CHL1: variants seen among roughly 807,000 people sequenced by gnomAD.
CHL1 encodes cell adhesion molecule L1 like.
A neutral mutation model predicts 141.9 loss-of-function variants in CHL1; 96 were observed. The ratio of observed to expected loss-of-function variants is 0.68; its 90% confidence interval spans 0.57 to 0.80. The LOEUF (loss-of-function observed/expected upper bound fraction) is 0.80, where lower values mean the gene tolerates loss of function less well. Ranked by LOEUF, CHL1 falls within the 30% of genes least tolerant of loss-of-function variation. The pLI is 0.00. For missense variants in CHL1, 1,820 were observed against 1,457.2 expected, an observed-to-expected ratio of 1.25 and a Z score of -4.05; for synonymous variants, 613 against 502.2, an observed-to-expected ratio of 1.22 and a Z score of -2.95.
chr3:292,162 T>C (rs1468823162), intron 2 of CHL1, among the ~76,000 whole-genome samples: 1 of 152,246 alleles, frequency 6.6e-6, no homozygotes, highest in East Asian at 1.9e-4. Context: ...ATGCTGACTC[T>C]GTGTTTCAAA....
chr3:277,334 T>C (rs1696234725), intron 2 of CHL1, among the ~76,000 whole-genome samples: 1 of 152,136 alleles, frequency 6.6e-6, no homozygotes, highest in South Asian at 2.1e-4. Context: ...AAGTTTATAT[T>C]TAAAAAAGCA....
chr3:378,534 C>A (rs1312257102), intron 16 of CHL1, among the ~76,000 whole-genome samples: 1 of 152,196 alleles, frequency 6.6e-6, no homozygotes, highest in African/African-American at 2.4e-5. Context: ...GTTTAAAGCT[C>A]TTAGACCATC....
At chr3:382,421 A>G (rs1707160399) in intron 17 of CHL1, 53 bp from the exon 18 acceptor site, 1 of 1,526,014 alleles carries the variant, frequency 6.6e-7, no homozygotes, top group African/African-American at 1.4e-5. Context: ...ATTTTGGTAT[A>G]ACTTATCCAT....
Position 349,421 on chromosome 3 carries a change from A to C in CHL1, c.911A>C (p.Lys304Thr), listed in dbSNP as rs767298363. 142 of 1,613,936 alleles carry C rather than the reference A, an allele frequency of 8.8e-5. 1 individual carries two copies. In the South Asian group the frequency reaches 1.6e-3, roughly 18 times the overall value. Residue 304 changes from lysine (K) to threonine (T), a missense_variant, in exon 10 of 28, where the codon AAA becomes ACA. Coordinates refer to ENST00000256509, the MANE Select transcript of CHL1 (RefSeq NM_006614.4). ...GGDLPKGRET[K>T]ENYGKTLKIE... is the part of the protein sequence containing the mutation. Reference sequence around the variant, plus strand: ...GACTTACCAAAGGGGAGAGAAACAAAAGAAAATTATGGCAAGACTTTGAAG... The same window carrying C: ...GACTTACCAAAGGGGAGAGAAACAACAGAAAATTATGGCAAGACTTTGAAG...
intron 2 of CHL1, among the ~76,000 whole-genome samples, chr3:252,600 G>C (rs953389821): frequency 3.0e-4 from 45 of 151,514 alleles, no homozygotes; most frequent in African/African-American, 9.0e-4. Context: ...TATTTATCGA[G>C]TGAAAATTAG....
At position 354,418 on chromosome 3, in the gene CHL1, C is replaced by T. The variant is rs966370886; in HGVS notation, c.1034-222C>T. 3.8e-5 allele frequency among the ~76,000 whole-genome samples: 4 copies of T among 105,012 alleles called. No individual in the cohort carries two copies. The Admixed American group carries it at 5.1e-4, about 13-fold the overall frequency. The allele number at this position is 105,012 out of a possible 152,430, so 68.9% of individuals were successfully genotyped here. A position where few individuals can be genotyped will look rare whatever the true frequency, so the allele number is the denominator to read the frequency against. On this transcript the variant is annotated intron_variant, in intron 10 of 27. Transcript: ENST00000256509. ...TGTTGATGTATGATACATGCTGAGTCCAAATTAAACACAAGCACACACACA... is the reference window on the plus strand; with the variant it reads ...TGTTGATGTATGATACATGCTGAGTTCAAATTAAACACAAGCACACACACA...
chr3:395,658 A>C (rs1397016885), intron 24 of CHL1, among the ~76,000 whole-genome samples: 1 of 152,260 alleles, frequency 6.6e-6, no homozygotes, highest in African/African-American at 2.4e-5. Context: ...AGAAGATGGC[A>C]GAAAGGGAAA....
chr3:245,611 C>T (rs1693090694), intron 2 of CHL1, among the ~76,000 whole-genome samples: 1 of 152,052 alleles, frequency 6.6e-6, no homozygotes, highest in Non-Finnish European at 1.5e-5. Context: ...AGAGAATATG[C>T]ACTCCAGAAG....
intron 1 of CHL1, chr3:213,820 T>C (rs1218483170): frequency 6.6e-6 from 1 of 152,166 alleles, no homozygotes; most frequent in Non-Finnish European, 1.5e-5. Flanking sequence ...TCAAGCCCAA[T>C]TTAATGAGCA....
In CHL1 at chr3:344,621, C is replaced by T. The variant is rs780275064; in HGVS notation, c.760C>T (p.Leu254=). 5 of 1,612,544 alleles carry T rather than the reference C, an allele frequency of 3.1e-6. No individual in the cohort carries two copies. In the South Asian group the frequency reaches 5.5e-5, roughly 18 times the overall value. Residue 254 remains leucine (L), a synonymous_variant, in exon 9 of 28, where the codon CTG becomes TTG. Coordinates refer to ENST00000256509, the MANE Select transcript of CHL1 (RefSeq NM_006614.4). ...NSIKQRKPKL[L]LPPTESGSES... ...CATCAAGCAAAGAAAACCCAAACTG[C>T]TGTTGCCTCCCACTGAGAGTGGCAG...
chr3:256,405 A>G (rs1398939952), intron 2 of CHL1, among the ~76,000 whole-genome samples: 1 of 152,248 alleles, frequency 6.6e-6, no homozygotes, highest in African/African-American at 2.4e-5. Flanking sequence ...GAATAGAATT[A>G]TCTAGAGTTG....
chr3:364,418 T>C (rs947594342), intron 14 of CHL1, among the ~76,000 whole-genome samples: 1 of 152,150 alleles, frequency 6.6e-6, no homozygotes, highest in Non-Finnish European at 1.5e-5. Flanking sequence ...TAAACCTATA[T>C]CAAGGTTAAG....
chr3:359,138 A>G (rs1265080788), intron 11 of CHL1, among the ~76,000 whole-genome samples: 1 of 151,766 alleles, frequency 6.6e-6, no homozygotes, highest in South Asian at 2.1e-4. Flanking sequence ...GGGATGTGTC[A>G]TCCAACTTCT....
chr3:231,270 C>T (rs893002222), intron 1 of CHL1, among the ~76,000 whole-genome samples: 4 of 152,036 alleles, frequency 2.6e-5, no homozygotes, highest in African/African-American at 9.7e-5. Context: ...GGTGATTTCC[C>T]ATAATTAAGG....
intron 1 of CHL1, among the ~76,000 whole-genome samples, chr3:212,243 C>G (rs912123010): frequency 7.2e-5 from 11 of 152,152 alleles, no homozygotes; most frequent in Non-Finnish European, 1.5e-4. Flanking sequence ...CCAATCAATT[C>G]TCAGATGTTT....
At chr3:381,384 AG>A (rs1199936635) in intron 16 of CHL1, among the ~76,000 whole-genome samples, 1 of 152,190 alleles carries the variant, frequency 6.6e-6, no homozygotes, top group Non-Finnish European at 1.5e-5. Context: ...TTGCAGTGGG[AG>A]AAAGGAAGAC....
rs1004750814 is a variant in CHL1, at chr3:377,923, A to G, written c.1857A>G (p.Ile619Met). 1 of 1,608,282 alleles carries G rather than the reference A, an allele frequency of 6.2e-7. No homozygotes were observed. The highest frequency in any genetic ancestry group is 1.1e-5 in the South Asian group (1 of 89,096). Reference sequence around the variant, plus strand: ...CTGCTCTAGACAGTGCTGCCGATATAACTCAAGTAACTGTTCTTGGTAAGT... The same window carrying G: ...CTGCTCTAGACAGTGCTGCCGATATGACTCAAGTAACTGTTCTTGGTAAGT... ...AHTALDSAAD[I>M]TQVTVLDVPD... is the part of the protein sequence containing the mutation. Residue 619 changes from isoleucine to methionine, a missense_variant, in exon 16 of 28, where the codon ATA becomes ATG. Coordinates refer to ENST00000256509, the MANE Select transcript of CHL1 (RefSeq NM_006614.4).
intron 1 of CHL1, among the ~76,000 whole-genome samples, chr3:216,679 T>C (rs1261290300): frequency 6.6e-6 from 1 of 152,230 alleles, no homozygotes; most frequent in African/African-American, 2.4e-5. Context: ...ATTTCTTCTG[T>C]AGGCATATGA....
intron 2 of CHL1, among the ~76,000 whole-genome samples, chr3:302,117 T>A (rs1161571031): frequency 6.6e-6 from 1 of 152,260 alleles, no homozygotes; most frequent in African/African-American, 2.4e-5. Flanking sequence ...ATGGTGTATA[T>A]GTGCCACATT....
Sources: allele counts gnomAD v4.1 joint callset (sites outside exome capture counted in the v4.1 genomes callset), GRCh38; gene constraint gnomAD v4.1.1; transcripts MANE v1.5; gene names NCBI Gene and HGNC (gene_info 2026-07-23, HGNC 2026-07-21).